Variants in ACOT8 observed in about 807,000 individuals in gnomAD.
The protein encoded by ACOT8 is acyl-coenzyme A thioesterase 8.
In ACOT8, 31 loss-of-function variants were observed where a neutral mutation model predicts 38.4. The ratio of observed to expected loss-of-function variants is 0.81; its 90% confidence interval spans 0.61 to 1.09. The LOEUF is 1.09. Ranked by LOEUF, ACOT8 falls within the 50% of genes least tolerant of loss-of-function variation. The pLI, the probability that ACOT8 is intolerant of heterozygous loss-of-function variation, is 0.00. For synonymous variants in ACOT8, 158 were observed against 170.3 expected, an observed-to-expected ratio of 0.93 and a Z score of 0.56; for missense variants, 373 against 421.8, an observed-to-expected ratio of 0.88 and a Z score of 1.01.
At position 45,841,794 on chromosome 20, in the gene ACOT8, A is replaced by G; in HGVS notation, c.*44T>C. The G allele has an allele frequency of 1.3e-6, 2 of 1,545,676 alleles. No homozygotes were observed. The highest frequency in any genetic ancestry group is 1.7e-6 in the Non-Finnish European group (2 of 1,152,484). The stretch of plus-strand genomic sequence containing the variant: ...TAACTCCTGTCTCAGGAATGGGGAT[A>G]GATGGGAGGTTCTTGAAGCCCCAGG... On this transcript the variant is annotated 3_prime_UTR_variant, in exon 6 of 6. Transcript: ENST00000217455.
intron 3 of ACOT8, 138 bp from the exon 4 acceptor site, chr20:45,844,558 G>T (rs1205275431): frequency 2.0e-6 from 2 of 1,000,894 alleles, no homozygotes; most frequent in African/African-American, 1.6e-5. Flanking sequence ...TGGCAGGCAG[G>T]ATAGTGCAGC....
rs143444399 is a variant in ACOT8 at position 45,849,636 on chromosome 20, A to C, written c.263-961T>G. 3.3e-3 allele frequency among the ~76,000 whole-genome samples: 504 copies of C among 152,154 alleles called. 4 individuals carry two copies. The highest frequency in any genetic ancestry group is 0.012 in the African/African-American group (486 of 41,508). ...CAACAAATTTTTGTATTTTTTGTAG[A>C]GATGGGGTTTCACTGTGTTGCCCAG... On this transcript the variant is annotated intron_variant, in intron 2 of 5. Coordinates refer to ENST00000217455, the MANE Select transcript of ACOT8 (RefSeq NM_005469.4).
At chr20:45,843,957 C>A in intron 4 of ACOT8, 1 of 865,578 alleles carries the variant, frequency 1.2e-6, no homozygotes, top group Non-Finnish European at 1.7e-6. Context: ...ACTCTAGGCC[C>A]CAAAAGGGGT....
Position 45,848,541 on chromosome 20 carries a change from G to C in ACOT8, c.397C>G (p.Pro133Ala), listed in dbSNP as rs377500994. Residue 133 changes from proline to alanine, a missense_variant, in exon 3 of 6, where the codon CCC becomes GCC. By Grantham distance (27) the Pro-to-Ala change is conservative. Coordinates refer to ENST00000217455, the MANE Select transcript of ACOT8 (RefSeq NM_005469.4). ...GAGAACTGGTGCTGCATGGGGCTGG[G>C]CTGGGCCTGCTGGAAGGAGGCCTGG... ...ICQASFQQAQ[P>A]SPMQHQFSMP... The C allele has an allele frequency of 6.2e-7, 1 of 1,614,006 alleles. No homozygotes were observed. The highest frequency in any genetic ancestry group is 8.5e-7 in the Non-Finnish European group (1 of 1,180,036).
chr20:45,843,676 G>A lies in ACOT8; in HGVS notation c.692C>T (p.Ser231Phe), dbSNP rs753359447. The A allele has an allele frequency of 1.9e-6, 3 of 1,612,306 alleles. No homozygotes were observed. The East Asian group carries it at 6.7e-5, about 36-fold the overall frequency. Reference protein sequence around the residue: ...KMHCCVAAYISDYAFLGTALL... With the variant: ...KMHCCVAAYIFDYAFLGTALL... ...TGCAGTGCCCAAGAAGGCATAGTCG[G>A]AGATATAGGCGGCCACGCAGCAGTG... is the stretch of plus-strand genomic sequence containing the variant. The change falls in exon 5 of 6, where the codon TCC becomes TTC. Residue 231 changes from serine (S) to phenylalanine (F), a missense_variant. Physicochemically the swap from Ser to Phe is radical, Grantham distance 155. Coordinates refer to ENST00000217455, the MANE Select transcript of ACOT8 (RefSeq NM_005469.4).
rs766463181 is a variant in ACOT8, at chr20:45,841,851, T to C, written c.947A>G (p.Glu316Gly). 1 of 1,605,666 alleles carries C rather than the reference T, an allele frequency of 6.2e-7. No individual in the cohort carries two copies. Among genetic ancestry groups the C allele is most frequent in the South Asian group, 1.1e-5 (1 of 90,044 alleles). ...GVIRVKPQVSESKL is the reference protein window; with the variant it reads ...GVIRVKPQVSGSKL ...TGGTACCTCTGGCTACAGCTTGCTC[T>C]CTGAGACCTGGGGCTTCACTCGGAT... The change falls in exon 6 of 6, where the codon GAG becomes GGG. Residue 316 changes from glutamate (E) to glycine (G), a missense_variant. By Grantham distance (98) the Glu-to-Gly change is moderately conservative. Coordinates refer to ENST00000217455, the MANE Select transcript of ACOT8 (RefSeq NM_005469.4).
chr20:45,844,539 C>T, intron 3 of ACOT8, 119 bp from the exon 4 acceptor site: 1 of 1,211,170 alleles, frequency 8.3e-7, no homozygotes, highest in Non-Finnish European at 1.2e-6. Flanking sequence ...CCAAAGCTCC[C>T]CTCCCCTGTG....
Position 45,841,746 on chromosome 20 carries a change from G to A in ACOT8, c.*92C>T. 1 of 1,455,002 alleles carries A rather than the reference G, an allele frequency of 6.9e-7. No homozygotes were observed. The allele number at this position is 1,455,002 out of a possible 1,614,324, so 90.1% of individuals were successfully genotyped here. On this transcript the variant is annotated 3_prime_UTR_variant, in exon 6 of 6. Transcript: ENST00000217455. ...TCCAGTGGTATCAGTCTCTTTATTGGATGTGAGGGCCAAAAGGGACTGTAA... is the reference window on the plus strand; with the variant it reads ...TCCAGTGGTATCAGTCTCTTTATTGAATGTGAGGGCCAAAAGGGACTGTAA...
rs979962388 is a variant in ACOT8 at position 45,853,875 on chromosome 20, C to T, written c.262+1284G>A. 4.0e-6 allele frequency: 5 copies of T among 1,250,332 alleles called. No individual in the cohort carries two copies. The African/African-American group carries it at 6.2e-5, about 15-fold the overall frequency. The allele number at this position is 1,250,332 out of a possible 1,614,324, so 77.5% of individuals were successfully genotyped here. A position where few individuals can be genotyped will look rare whatever the true frequency, so the allele number is the denominator to read the frequency against. On this transcript the variant is annotated intron_variant, in intron 2 of 5. Coordinates refer to ENST00000217455, the MANE Select transcript of ACOT8 (RefSeq NM_005469.4). The stretch of plus-strand genomic sequence containing the variant: ...ATTACAGGGATAACTTTCATATTTA[C>T]AAAATGAAGGGGGAAACCCCATGGT...
intron 2 of ACOT8, among the ~76,000 whole-genome samples, chr20:45,850,377 A>G: frequency 6.6e-6 from 1 of 152,240 alleles, no homozygotes; most frequent in Non-Finnish European, 1.5e-5. Flanking sequence ...CTGGCTTTGG[A>G]GGCCAATTGT....
chr20:45,857,290 T>C lies in ACOT8; in HGVS notation c.26A>G (p.Asp9Gly), dbSNP rs1431883745. 6.2e-7 allele frequency: 1 copy of C among 1,610,396 alleles called. No individual in the cohort carries two copies. The highest frequency in any genetic ancestry group is 1.3e-5 in the African/African-American group (1 of 74,868). MSSPQAPE[D>G]GQGCGDRGDP... is the part of the protein sequence containing the mutation. ...GCCGCGGTCGCCACAGCCCTGCCCA[T>C]CTTCTGGGGCCTGCGGGGACGACAT... The change falls in exon 1 of 6, where the codon GAT becomes GGT. Residue 9 changes from aspartate (D) to glycine (G), a missense_variant. Transcript: ENST00000217455.
At chr20:45,845,997 A>C (rs1418851010) in intron 3 of ACOT8, among the ~76,000 whole-genome samples, 1 of 151,724 alleles carries the variant, frequency 6.6e-6, no homozygotes, top group Non-Finnish European at 1.5e-5. Flanking sequence ...ACGCCTGGCT[A>C]ATTTTTTTGT....
At chr20:45,855,362 C>T in intron 1 of ACOT8, 70 bp from the exon 2 acceptor site, 2 of 1,567,930 alleles carry the variant, frequency 1.3e-6, no homozygotes, top group Non-Finnish European at 1.7e-6. Context: ...CACTAAGACT[C>T]TAATGCATGA....
At chr20:45,844,044 G>T in intron 4 of ACOT8, 1 of 808,614 alleles carries the variant, frequency 1.2e-6, no homozygotes, top group Non-Finnish European at 2.0e-6. Context: ...GGTGCCTTTT[G>T]CCTTCCTCAG....
At chr20:45,856,683 GA>G (rs1371353398) in intron 1 of ACOT8, among the ~76,000 whole-genome samples, 1 of 152,104 alleles carries the variant, frequency 6.6e-6, no homozygotes, top group Non-Finnish European at 1.5e-5. Context: ...CCGCCTCAAA[GA>G]AAGAAAGAAA....
chr20:45,846,322 A>G (rs1984681983), intron 3 of ACOT8, among the ~76,000 whole-genome samples: 1 of 152,136 alleles, frequency 6.6e-6, no homozygotes, highest in Non-Finnish European at 1.5e-5. Flanking sequence ...ACTACAATTC[A>G]CTGCCATTGT....
intron 2 of ACOT8, chr20:45,849,260 CAA>C (rs1984900989): frequency 6.6e-6 from 1 of 152,302 alleles, no homozygotes; most frequent in African/African-American, 2.4e-5. Context: ...TGAGAACAAA[CAA>C]AGGCTATTTA....
intron 2 of ACOT8, among the ~76,000 whole-genome samples, chr20:45,853,209 T>C (rs1382591708): frequency 6.6e-6 from 1 of 152,232 alleles, no homozygotes; most frequent in African/African-American, 2.4e-5. Flanking sequence ...TTTAGAATTA[T>C]TGCCCAAGAG....
chr20:45,845,839 T>TG (rs1262013904), intron 3 of ACOT8, among the ~76,000 whole-genome samples: 2 of 150,062 alleles, frequency 1.3e-5, no homozygotes, highest in East Asian at 1.9e-4. Context: ...TTTTTTTTGT[T>TG]TTTTTTTTTT....
Sources: allele counts gnomAD v4.1 joint callset (sites outside exome capture counted in the v4.1 genomes callset), GRCh38; gene constraint gnomAD v4.1.1; transcripts MANE v1.5; gene names NCBI Gene and HGNC (gene_info 2026-07-23, HGNC 2026-07-21).